MORC4: variants seen among roughly 807,000 people sequenced by gnomAD.
MORC4 encodes the protein MORC family CW-type zinc finger 4.
MORC4 carries 22 observed loss-of-function variants against 65.5 expected under a neutral mutation model. That is an observed-to-expected ratio of 0.34 (90% CI 0.24 to 0.48). MORC4 has a LOEUF of 0.48. Ranked by LOEUF, MORC4 falls within the 20% of genes least tolerant of loss-of-function variation. MORC4 has a pLI of 0.99. For synonymous variants in MORC4, 267 were observed against 255.8 expected, an observed-to-expected ratio of 1.04 and a Z score of -0.42; for missense variants, 624 against 703.0, an observed-to-expected ratio of 0.89 and a Z score of 1.27.
intron 9 of MORC4, among the ~76,000 whole-genome samples, chrX:106,966,252 A>C (rs1407493489): frequency 8.9e-6 from 1 of 112,579 alleles, no homozygotes; most frequent in Non-Finnish European, 1.9e-5. Context: ...ATAATATCTC[A>C]GAAAATCAAA....
intron 9 of MORC4, among the ~76,000 whole-genome samples, chrX:106,972,120 T>C (rs940701778): frequency 3.6e-5 from 4 of 111,963 alleles, no homozygotes; most frequent in Non-Finnish European, 7.5e-5. Flanking sequence ...CATATACACA[T>C]GGAATACTAT....
intron 5 of MORC4, among the ~76,000 whole-genome samples, chrX:106,984,465 CTTTTTTTTTT>C (rs762110163): frequency 2.8e-5 from 2 of 71,390 alleles, no homozygotes; most frequent in African/African-American, 6.3e-5. Context: ...TTTCTTTTTT[CTTTTTTTTTT>C]TTTTTTTTTT....
At chrX:106,976,503 A>G (rs1467899273) in intron 9 of MORC4, 81 bp downstream of exon 9, 2 of 554,571 alleles carry the variant, frequency 3.6e-6, no homozygotes, top group Non-Finnish European at 5.9e-6. Context: ...GCTGCTTTTT[A>G]GAGATGGTTT....
chrX:106,968,678 A>G (rs1210799713), intron 9 of MORC4, among the ~76,000 whole-genome samples: 34 of 106,996 alleles, frequency 3.2e-4, no homozygotes, highest in African/African-American at 1.1e-3. Context: ...CAGGGGTTGC[A>G]ATCTTGGTCT....
intron 5 of MORC4, among the ~76,000 whole-genome samples, chrX:106,984,552 T>A (rs1301210323): frequency 1.3e-4 from 12 of 89,903 alleles, no homozygotes; most frequent in Non-Finnish European, 2.1e-4. Context: ...CACTGCAACC[T>A]CCACCTCCTG....
intron 9 of MORC4, among the ~76,000 whole-genome samples, chrX:106,968,228 T>C (rs774336826): frequency 3.0e-4 from 33 of 110,950 alleles, no homozygotes; most frequent in Non-Finnish European, 5.5e-4. Flanking sequence ...GCTTCATAAG[T>C]GAAGGAGAAA....
In MORC4 at chrX:106,954,111, G is replaced by A. The variant is rs373149014; in HGVS notation, c.1685+802C>T. ...GGACTCCAGCCTGGGCAACAAGAGC[G>A]AAACATAATAGTCAGATTACTGATG... is the stretch of plus-strand genomic sequence containing the variant. On this transcript the variant is annotated intron_variant, in intron 14 of 16. Transcript: ENST00000355610. Among the ~76,000 whole-genome samples, 87 of 112,781 alleles carry A rather than the reference G, an allele frequency of 7.7e-4. 3 individuals are homozygous for A. The East Asian group carries it at 0.014, about 19-fold the overall frequency.
chrX:106,953,537 C>T lies in MORC4; in HGVS notation c.1685+1376G>A, dbSNP rs1228335268. Among the ~76,000 whole-genome samples the T allele has an allele frequency of 2.1e-4, 23 of 112,030 alleles. No homozygotes were observed. The Admixed American group carries it at 2.2e-3, about 11-fold the overall frequency. On this transcript the variant is annotated intron_variant, in intron 14 of 16. Coordinates refer to ENST00000355610, the MANE Select transcript of MORC4 (RefSeq NM_024657.5). ...AAGCTCCTGAGACTAAGGCTGGATT[C>T]TATTTCTTATCCCGTTGCTACAAAA...
At chrX:106,982,345 GAT>G (rs1239634830) in intron 5 of MORC4, among the ~76,000 whole-genome samples, 1 of 111,958 alleles carries the variant, frequency 8.9e-6, no homozygotes, top group Non-Finnish European at 1.9e-5. Context: ...GAGCTCTAGT[GAT>G]AACTCTGCTT....
intron 2 of MORC4, 118 bp downstream of exon 2, chrX:106,999,559 G>GGCC: frequency 1.6e-6 from 1 of 616,248 alleles, no homozygotes. Context: ...CGGTTCCGAG[G>GGCC]CCCCCACCCC....
intron 9 of MORC4, among the ~76,000 whole-genome samples, chrX:106,974,438 A>G (rs1934582014): frequency 9.0e-6 from 1 of 111,468 alleles, no homozygotes; most frequent in Non-Finnish European, 1.9e-5. Flanking sequence ...TCATGCTACA[A>G]TTCCATCCTA....
chrX:106,963,406 A>G (rs1279797090), intron 9 of MORC4, among the ~76,000 whole-genome samples: 2 of 111,937 alleles, frequency 1.8e-5, no homozygotes, highest in Non-Finnish European at 3.8e-5. Flanking sequence ...TTAGCTCAGT[A>G]ATAGCTACCC....
chrX:106,981,517 C>T, intron 5 of MORC4, 40 bp from the exon 6 acceptor site: 1 of 1,102,913 alleles, frequency 9.1e-7, no homozygotes, highest in Non-Finnish European at 1.2e-6. Flanking sequence ...CAAAAACTGG[C>T]TCCAGAGGAC....
At chrX:106,984,464 T>C (rs1934820752) in intron 5 of MORC4, among the ~76,000 whole-genome samples, 1 of 93,415 alleles carries the variant, frequency 1.1e-5, no homozygotes, top group African/African-American at 4.1e-5. Context: ...TTTTCTTTTT[T>C]CTTTTTTTTT....
chrX:106,964,057 A>T (rs1052386105), intron 9 of MORC4, among the ~76,000 whole-genome samples: 6 of 111,928 alleles, frequency 5.4e-5, no homozygotes, highest in Admixed American at 4.8e-4. Flanking sequence ...CCTGAAAAAG[A>T]ACTGATAATA....
At chrX:106,942,390 C>G in intron 15 of MORC4, 125 bp downstream of exon 15, 2 of 878,208 alleles carry the variant, frequency 2.3e-6, no homozygotes, top group Non-Finnish European at 3.2e-6. Flanking sequence ...CTGAAACACA[C>G]CACAGAATAG....
chrX:106,980,906 A>G lies in MORC4; in HGVS notation c.921T>C (p.Tyr307=). ...KSLANVEYDT[Y]KPTFTNKQVR... ...GTAAGGATACTGTGAAGGTAGGTTT[A>G]TATGTATCATATTCTACATTGGCCA... is the stretch of plus-strand genomic sequence containing the variant. Residue 307 remains tyrosine, a synonymous_variant, in exon 7 of 17, where the codon TAT becomes TAC. Coordinates refer to ENST00000355610, the MANE Select transcript of MORC4 (RefSeq NM_024657.5). The G allele has an allele frequency of 8.3e-7, 1 of 1,205,523 alleles. No individual in the cohort carries two copies. Among genetic ancestry groups the G allele is most frequent in the Non-Finnish European group, 1.1e-6 (1 of 889,873 alleles).
intron 9 of MORC4, among the ~76,000 whole-genome samples, chrX:106,967,802 A>T (rs1934410150): frequency 8.9e-6 from 1 of 112,229 alleles, no homozygotes; most frequent in African/African-American, 3.2e-5. Context: ...AGCCTCCAAG[A>T]AATATGGGAC....
At chrX:106,987,894 T>G (rs958737313) in intron 3 of MORC4, among the ~76,000 whole-genome samples, 1 of 110,391 alleles carries the variant, frequency 9.1e-6, no homozygotes, top group African/African-American at 3.3e-5. Context: ...GAACTTCAGT[T>G]TGTGTTGCCT....
Sources: allele counts gnomAD v4.1 joint callset (sites outside exome capture counted in the v4.1 genomes callset), GRCh38; gene constraint gnomAD v4.1.1; transcripts MANE v1.5; gene names NCBI Gene and HGNC (gene_info 2026-07-23, HGNC 2026-07-21).